Variants in HEATR4 observed in about 807,000 individuals in gnomAD.
HEATR4 encodes the protein HEAT repeat-containing protein 4.
A neutral mutation model predicts 108.8 loss-of-function variants in HEATR4; 95 were observed. The ratio of observed to expected loss-of-function variants is 0.87; its 90% CI spans 0.74 to 1.04. The LOEUF (loss-of-function observed/expected upper bound fraction) is 1.04, where lower values mean the gene tolerates loss of function less well. HEATR4 is among the 50% of genes least tolerant of loss of function. The probability of loss-of-function intolerance (pLI) is 0.00; values close to 1 mark genes in which losing one functional copy is unlikely to be tolerated. For missense variants in HEATR4, 1,152 were observed against 1,253.8 expected (o/e 0.92, Z 1.23); for synonymous variants, 443 against 459.4 (o/e 0.96, Z 0.46).
the HEATR4 span, among the ~76,000 whole-genome samples, chr14:73,579,850 C>T: frequency 2.0e-5 from 3 of 151,132 alleles, no homozygotes; most frequent in Non-Finnish European, 4.4e-5. Context: ...TCCGTCACTT[C>T]GGGAGGCCAA....
the HEATR4 span, among the ~76,000 whole-genome samples, chr14:73,616,377 G>T: frequency 6.6e-6 from 1 of 152,064 alleles, no homozygotes; most frequent in Non-Finnish European, 1.5e-5. Flanking sequence ...GAGTGCAGTG[G>T]TGTGACAATA....
chr14:73,520,653 G>A (rs1296989063), intron 4 of HEATR4, 199 bp downstream of exon 4: 1 of 510,872 alleles, frequency 2.0e-6, no homozygotes, highest in Non-Finnish European at 3.5e-6. Flanking sequence ...AGCGGGGAGA[G>A]AGAGCAGTTC....
At chr14:73,518,274 T>C (rs1291589484) in intron 5 of HEATR4, among the ~76,000 whole-genome samples, 1 of 151,008 alleles carries the variant, frequency 6.6e-6, no homozygotes, top group Non-Finnish European at 1.5e-5. Context: ...TGTGGAGGCA[T>C]GCACCTGTGA....
At chr14:73,609,398 T>A in the HEATR4 span, among the ~76,000 whole-genome samples, 1 of 152,066 alleles carries the variant, frequency 6.6e-6, no homozygotes, top group Admixed American at 6.6e-5. Flanking sequence ...CACCCCTGGG[T>A]ACAAGAAACA....
chr14:73,513,906 T>C (rs1887427149), intron 6 of HEATR4, 125 bp downstream of exon 6: 2 of 942,986 alleles, frequency 2.1e-6, no homozygotes, highest in East Asian at 2.5e-5. Flanking sequence ...CTAGCCTTAA[T>C]GAGGCAACCA....
the HEATR4 span, among the ~76,000 whole-genome samples, chr14:73,627,649 A>C: frequency 6.6e-6 from 1 of 152,172 alleles, no homozygotes; most frequent in Admixed American, 6.5e-5. Flanking sequence ...AGGAACCTCC[A>C]TGTGTTCAGC....
chr14:73,586,294 T>C, the HEATR4 span, among the ~76,000 whole-genome samples: 1 of 151,928 alleles, frequency 6.6e-6, no homozygotes, highest in Non-Finnish European at 1.5e-5. Context: ...TCAGGAAGGC[T>C]GAGGCAGGAG....
intron 15 of HEATR4, among the ~76,000 whole-genome samples, chr14:73,496,133 CAA>C (rs1031812933): frequency 6.9e-6 from 1 of 144,456 alleles, no homozygotes; most frequent in Non-Finnish European, 1.5e-5. Flanking sequence ...GTCCCCCCCT[CAA>C]AAAAAAAAGC....
At chr14:73,506,413 T>C in intron 10 of HEATR4, 54 bp downstream of exon 10, 1 of 1,321,854 alleles carries the variant, frequency 7.6e-7, no homozygotes, top group Non-Finnish European at 1.1e-6. Context: ...AGAAGGCCTC[T>C]GTAGCTCAGC....
intron 10 of HEATR4, 29 bp downstream of exon 10, chr14:73,506,438 C>CT (rs1230888599): frequency 1.3e-6 from 2 of 1,553,074 alleles, no homozygotes; most frequent in Admixed American, 3.3e-5. Context: ...CTTAGGCTTT[C>CT]TGTCCTGGAG....
At chr14:73,569,529 C>T in the HEATR4 span, 1 of 1,607,432 alleles carries the variant, frequency 6.2e-7, no homozygotes, top group East Asian at 2.2e-5. Context: ...GGTCACGCTG[C>T]GCGCGTCCCT....
chr14:73,602,620 G>A, the HEATR4 span, among the ~76,000 whole-genome samples: 5 of 152,026 alleles, frequency 3.3e-5, no homozygotes, highest in East Asian at 1.9e-4. Flanking sequence ...TTATTCCCGC[G>A]TTCTCCCCGC....
intron 1 of HEATR4, chr14:73,530,513 A>G (rs1455992336): frequency 7.9e-6 from 1 of 126,690 alleles, no homozygotes; most frequent in Non-Finnish European, 1.7e-5. Flanking sequence ...TTGCCCTCAA[A>G]AAGTTCCCCT....
chr14:73,574,655 T>TA, the HEATR4 span, among the ~76,000 whole-genome samples: 3 of 152,088 alleles, frequency 2.0e-5, no homozygotes, highest in South Asian at 2.1e-4. Context: ...TCATGGGAGA[T>TA]ACGAGATTAA....
At chr14:73,567,627 G>C in the HEATR4 span, 16 of 152,074 alleles carry the variant, frequency 1.1e-4, no homozygotes, top group African/African-American at 3.9e-4. Context: ...GGTAACCTGC[G>C]TGAGTTCCGC....
At chr14:73,600,530 C>T in the HEATR4 span, among the ~76,000 whole-genome samples, 1 of 151,970 alleles carries the variant, frequency 6.6e-6, no homozygotes, top group East Asian at 1.9e-4. Flanking sequence ...CAGCTCACTA[C>T]AACTTCTGCC....
the HEATR4 span, among the ~76,000 whole-genome samples, chr14:73,620,887 A>T: frequency 7.0e-3 from 1,056 of 151,212 alleles, 16 homozygotes; most frequent in African/African-American, 0.025. Context: ...TCTTGCCCAT[A>T]CACATTGCTG....
chr14:73,598,217 C>CAAAAAAAAA, the HEATR4 span, among the ~76,000 whole-genome samples: 406 of 53,630 alleles, frequency 7.6e-3, no homozygotes, highest in Non-Finnish European at 9.7e-3. Flanking sequence ...ACTAAAAATA[C>CAAAAAAAAA]AAAAAAAAAA....
At chr14:73,612,859 C>A in the HEATR4 span, 1 of 1,409,432 alleles carries the variant, frequency 7.1e-7, no homozygotes. Flanking sequence ...TGGTGAAGCG[C>A]GACGTGCGGA....
Sources: allele counts gnomAD v4.1 joint callset (sites outside exome capture counted in the v4.1 genomes callset), GRCh38; gene constraint gnomAD v4.1.1; transcripts MANE v1.5; gene names NCBI Gene and HGNC (gene_info 2026-07-23, HGNC 2026-07-21).